The following APBA2 variants were observed in gnomAD, a reference collection of about 807,000 sequenced individuals.
APBA2 encodes amyloid-beta A4 precursor protein-binding family A member 2.
In APBA2, 30 loss-of-function variants were observed where a neutral mutation model predicts 75.0. That is an observed-to-expected ratio of 0.40 (90% confidence interval 0.30 to 0.54). The LOEUF is 0.54. Among genes scored for constraint, APBA2 ranks in the 20% least tolerant of loss-of-function variants. APBA2 has a pLI of 0.49. For synonymous variants in APBA2, 444 were observed against 409.6 expected (o/e 1.08, Z -1.01); for missense variants, 801 against 1,016.1 (o/e 0.79, Z 2.88).
intron 2 of APBA2, among the ~76,000 whole-genome samples, chr15:28,928,261 G>A (rs1213844137): frequency 2.0e-5 from 3 of 152,092 alleles, no homozygotes; most frequent in South Asian, 2.1e-4. Flanking sequence ...GGCCTTTAAC[G>A]TGAGGTTTTC....
intron 2 of APBA2, among the ~76,000 whole-genome samples, chr15:28,944,863 G>T (rs1336093637): frequency 6.6e-6 from 1 of 152,220 alleles, no homozygotes; most frequent in African/African-American, 2.4e-5. Flanking sequence ...CATGCTGCTT[G>T]CCCCACGTGG....
intron 2 of APBA2, among the ~76,000 whole-genome samples, chr15:28,929,068 T>C (rs1406579318): frequency 2.0e-5 from 3 of 152,152 alleles, no homozygotes; most frequent in Non-Finnish European, 4.4e-5. Flanking sequence ...TTTCTAGTCA[T>C]GAGGATGGGA....
At chr15:28,888,621 G>T (rs1317789101) in intron 1 of APBA2, among the ~76,000 whole-genome samples, 1 of 152,216 alleles carries the variant, frequency 6.6e-6, no homozygotes, top group African/African-American at 2.4e-5. Flanking sequence ...GAGGACTGGC[G>T]GTCGGTGGGG....
chr15:29,044,262 G>A (rs1433527965), intron 3 of APBA2: 1 of 152,184 alleles, frequency 6.6e-6, no homozygotes, highest in Non-Finnish European at 1.5e-5. Context: ...GGACACTGGA[G>A]CTCTTTATTG....
chr15:28,926,521 C>T (rs1013915903), intron 2 of APBA2, among the ~76,000 whole-genome samples: 10 of 151,974 alleles, frequency 6.6e-5, no homozygotes, highest in South Asian at 4.2e-4. Flanking sequence ...TACAGTATAT[C>T]GTTACCATTA....
intron 2 of APBA2, among the ~76,000 whole-genome samples, chr15:28,966,151 T>G (rs2036726494): frequency 6.6e-6 from 1 of 152,142 alleles, no homozygotes; most frequent in Admixed American, 6.5e-5. Context: ...CCATGGACAA[T>G]TGAAAAGAAT....
At chr15:29,007,801 C>T (rs1031317586) in intron 3 of APBA2, among the ~76,000 whole-genome samples, 20 of 152,202 alleles carry the variant, frequency 1.3e-4, no homozygotes, top group Middle Eastern at 3.4e-3. Context: ...TGCAGCCCGT[C>T]GGAAAACAGT....
chr15:29,113,253 C>T (rs1376159295), intron 13 of APBA2, among the ~76,000 whole-genome samples: 2 of 152,068 alleles, frequency 1.3e-5, no homozygotes, highest in Non-Finnish European at 2.9e-5. Context: ...AATGGAAGCC[C>T]CCACCGCTGC....
At chr15:28,970,312 C>T (rs1437327845) in intron 2 of APBA2, 1 of 150,522 alleles carries the variant, frequency 6.6e-6, no homozygotes, top group Non-Finnish European at 1.5e-5. Flanking sequence ...CATTATATAG[C>T]ATGTAGTGAT....
Position 29,080,433 on chromosome 15 carries a change from G to C in APBA2, c.1069+4342G>C, listed in dbSNP as rs114312586. ...AGCGTTCCAGATGCCAGAGCTCCTG[G>C]CCTTGTCAGGCGCAGGATCACAGCC... is the stretch of plus-strand genomic sequence containing the variant. On this transcript the variant is annotated intron_variant, in intron 6 of 14. Coordinates refer to ENST00000683413, the MANE Select transcript of APBA2 (RefSeq NM_001353788.2). Among the ~76,000 whole-genome samples the C allele has an allele frequency of 6.7e-3, 1,013 of 152,264 alleles. 10 individuals are homozygous for C. The highest frequency in any genetic ancestry group is 0.023 in the African/African-American group (960 of 41,552).
At chr15:29,021,081 A>G (rs1227642146) in intron 3 of APBA2, among the ~76,000 whole-genome samples, 3 of 152,148 alleles carry the variant, frequency 2.0e-5, no homozygotes, top group East Asian at 1.9e-4. Flanking sequence ...TTCTTTCCAT[A>G]TAAATATATT....
rs115367147 is a variant in APBA2 at position 29,066,282 on chromosome 15, C to T, written c.952-8639C>T. Among the ~76,000 whole-genome samples the T allele has an allele frequency of 3.0e-3, 458 of 152,282 alleles. 4 individuals are homozygous for T. The highest frequency in any genetic ancestry group is 0.01 in the African/African-American group (426 of 41,554). On this transcript the variant is annotated intron_variant, in intron 4 of 14. Coordinates refer to ENST00000683413, the MANE Select transcript of APBA2 (RefSeq NM_001353788.2). ...GCAAAGCAGTGGTGGGTCAGGGCTC[C>T]TCTTGCTGCATTGCGGCCTTGTATT...
intron 1 of APBA2, among the ~76,000 whole-genome samples, chr15:28,916,113 C>T (rs2033679700): frequency 6.6e-6 from 1 of 152,260 alleles, no homozygotes; most frequent in Non-Finnish European, 1.5e-5. Context: ...ATTCCCTGGT[C>T]CTGCCCTCCT....
intron 2 of APBA2, among the ~76,000 whole-genome samples, chr15:28,980,736 C>A (rs1234022065): frequency 6.6e-6 from 1 of 152,138 alleles, no homozygotes; most frequent in Non-Finnish European, 1.5e-5. Context: ...ATAGCCAAAG[C>A]AATCTGAGCA....
chr15:28,935,458 C>T (rs139393003), intron 2 of APBA2, among the ~76,000 whole-genome samples: 74 of 152,314 alleles, frequency 4.9e-4, no homozygotes, highest in Middle Eastern at 3.4e-3. Context: ...AGGCAGTGAG[C>T]TGCTGGGGGA....
In APBA2 at chr15:28,909,445, T is replaced by G. The variant is rs181150325; in HGVS notation, c.-204-12195T>G. 7.2e-5 allele frequency among the ~76,000 whole-genome samples: 11 copies of G among 152,378 alleles called. No individual in the cohort carries two copies. In the South Asian group the frequency reaches 1.0e-3, roughly 14 times the overall value. On this transcript the variant is annotated intron_variant, in intron 1 of 14. Transcript: ENST00000683413. ...TGTTGTAGCATGCGTCAGAACTTCC[T>G]TCCTTCTTAGGGCTGACTACTGCCC...
intron 3 of APBA2, among the ~76,000 whole-genome samples, chr15:29,002,099 T>C (rs2038879731): frequency 6.6e-6 from 1 of 152,204 alleles, no homozygotes; most frequent in African/African-American, 2.4e-5. Flanking sequence ...CAAAGCACCA[T>C]ATAAAAGGCC....
chr15:29,061,243 A>G (rs1463021578), intron 4 of APBA2, among the ~76,000 whole-genome samples: 3 of 152,110 alleles, frequency 2.0e-5, no homozygotes, highest in Non-Finnish European at 4.4e-5. Context: ...TTACCTTGTG[A>G]CGTCTATCAG....
At chr15:29,014,125 C>T (rs2039539679) in intron 3 of APBA2, among the ~76,000 whole-genome samples, 1 of 152,218 alleles carries the variant, frequency 6.6e-6, no homozygotes, top group African/African-American at 2.4e-5. Context: ...AGAATCCCCA[C>T]AGACTGACAG....
Sources: allele counts gnomAD v4.1 joint callset (sites outside exome capture counted in the v4.1 genomes callset), GRCh38; gene constraint gnomAD v4.1.1; transcripts MANE v1.5; gene names NCBI Gene and HGNC (gene_info 2026-07-23, HGNC 2026-07-21).